Variants in CPLX1 observed in about 807,000 individuals in gnomAD.
The protein encoded by CPLX1 is complexin 1, also known as complexin-1.
A neutral mutation model predicts 15.6 loss-of-function variants in CPLX1; 6 were observed. That is an observed-to-expected ratio of 0.39 (90% CI 0.21 to 0.76). The LOEUF (loss-of-function observed/expected upper bound fraction) is 0.76, where lower values mean the gene tolerates loss of function less well. CPLX1 is among the 30% of genes least tolerant of loss of function. CPLX1 has a pLI of 0.43. For synonymous variants in CPLX1, 91 were observed against 75.2 expected, an observed-to-expected ratio of 1.21 and a Z score of -1.08; for missense variants, 242 against 188.6, an observed-to-expected ratio of 1.28 and a Z score of -1.66.
chr4:794,760 T>G (rs1388955321), intron 2 of CPLX1, among the ~76,000 whole-genome samples: 1 of 152,222 alleles, frequency 6.6e-6, no homozygotes, highest in African/African-American at 2.4e-5. Context: ...GCCTGGTCTC[T>G]CCCCACATTG....
intron 2 of CPLX1, among the ~76,000 whole-genome samples, chr4:795,102 G>A (rs1746293352): frequency 6.6e-6 from 1 of 152,210 alleles, no homozygotes; most frequent in Admixed American, 6.5e-5. Context: ...CGCGAACCTG[G>A]GGAGCGTCAC....
At chr4:787,504 G>C in intron 3 of CPLX1, 1 of 680,436 alleles carries the variant, frequency 1.5e-6, no homozygotes, top group Admixed American at 6.3e-5. Flanking sequence ...CTGGATTTGA[G>C]GGGCCTCAAG....
chr4:803,203 G>C (rs1399330401), intron 2 of CPLX1, among the ~76,000 whole-genome samples: 1 of 152,238 alleles, frequency 6.6e-6, no homozygotes, highest in Admixed American at 6.5e-5. Flanking sequence ...CAGTAAATCT[G>C]CCTGCAGTAA....
At chr4:804,947 C>T (rs1746527279) in intron 2 of CPLX1, 2 of 983,550 alleles carry the variant, frequency 2.0e-6, no homozygotes, top group African/African-American at 1.7e-5. Context: ...GCGGAGTTCA[C>T]CCGGCGTCCC....
chr4:790,243 G>A (rs903459850), intron 3 of CPLX1, among the ~76,000 whole-genome samples: 2 of 152,232 alleles, frequency 1.3e-5, no homozygotes, highest in Admixed American at 6.5e-5. Context: ...AGTGGGCTGC[G>A]GAGGGGGCTG....
intron 2 of CPLX1, among the ~76,000 whole-genome samples, chr4:815,513 C>T (rs1746736118): frequency 6.6e-6 from 1 of 151,552 alleles, no homozygotes; most frequent in Non-Finnish European, 1.5e-5. Context: ...TATTTACATA[C>T]AGCCACGGAG....
chr4:817,009 G>A (rs1746768927), intron 2 of CPLX1, among the ~76,000 whole-genome samples: 1 of 152,158 alleles, frequency 6.6e-6, no homozygotes, highest in Admixed American at 6.5e-5. Flanking sequence ...AAGAGAAAAT[G>A]TGGTCCCTAC....
chr4:807,198 A>T (rs1746570760), intron 2 of CPLX1, among the ~76,000 whole-genome samples: 1 of 152,258 alleles, frequency 6.6e-6, no homozygotes, highest in Non-Finnish European at 1.5e-5. Context: ...GCTGGAAGCC[A>T]TTATCTTCAG....
At chr4:792,241 T>TGGGCCCCACAGAGGGAGCCCAACCCGG (rs2152643000) in intron 3 of CPLX1, among the ~76,000 whole-genome samples, 192 bp downstream of exon 3, 1 of 152,266 alleles carries the variant, frequency 6.6e-6, no homozygotes, top group Admixed American at 6.5e-5. Flanking sequence ...CAGGAGGGGC[T>TGGGCCCCACAGAGGGAGCCCAACCCGG]GGGCCCCACA....
intron 3 of CPLX1, among the ~76,000 whole-genome samples, chr4:791,240 G>A (rs1007435390): frequency 6.6e-6 from 1 of 151,724 alleles, no homozygotes; most frequent in African/African-American, 2.4e-5. Context: ...CAGCAAAGTC[G>A]ATCAACAGGA....
At chr4:788,449 G>A (rs958377795) in intron 3 of CPLX1, 7 of 985,252 alleles carry the variant, frequency 7.1e-6, no homozygotes, top group African/African-American at 7.0e-5. Flanking sequence ...CCGTGGGCTC[G>A]CCCTAGTCCT....
At chr4:817,656 T>C (rs1489127246) in intron 2 of CPLX1, among the ~76,000 whole-genome samples, 3 of 152,024 alleles carry the variant, frequency 2.0e-5, no homozygotes, top group African/African-American at 7.2e-5. Flanking sequence ...GAGAAAAATT[T>C]TAAGTAAGGA....
At chr4:820,248 GC>G (rs2152648508) in intron 2 of CPLX1, among the ~76,000 whole-genome samples, 1 of 151,978 alleles carries the variant, frequency 6.6e-6, no homozygotes, top group East Asian at 1.9e-4. Flanking sequence ...ACCCAGCTCA[GC>G]CCAGCCTGCA....
intron 2 of CPLX1, among the ~76,000 whole-genome samples, chr4:810,744 T>C (rs559889582): frequency 6.6e-6 from 1 of 152,070 alleles, no homozygotes; most frequent in Non-Finnish European, 1.5e-5. Context: ...TTGCCCAGGC[T>C]GGAGTGCAAT....
At chr4:795,051 T>C (rs1426103150) in intron 2 of CPLX1, among the ~76,000 whole-genome samples, 2 of 152,094 alleles carry the variant, frequency 1.3e-5, no homozygotes, top group African/African-American at 4.8e-5. Context: ...GGATTCGTGC[T>C]CCCCGCAGGC....
chr4:817,853 C>T (rs1044050575), intron 2 of CPLX1, among the ~76,000 whole-genome samples: 7 of 152,060 alleles, frequency 4.6e-5, no homozygotes, highest in Admixed American at 1.3e-4. Context: ...TCCCACCAGC[C>T]GTGAGGGGAG....
intron 2 of CPLX1, among the ~76,000 whole-genome samples, chr4:792,920 C>T (rs1016906089): frequency 6.6e-6 from 1 of 152,110 alleles, no homozygotes; most frequent in Non-Finnish European, 1.5e-5. Context: ...TGTGTGACTG[C>T]GTGCTTATGC....
intron 3 of CPLX1, among the ~76,000 whole-genome samples, chr4:791,738 G>C (rs565756607): frequency 6.6e-6 from 1 of 152,294 alleles, no homozygotes; most frequent in Non-Finnish European, 1.5e-5. Context: ...TCGGGGCCAG[G>C]GCACGGGGTG....
chr4:813,545 TGA>T (rs1285389449), intron 2 of CPLX1, among the ~76,000 whole-genome samples: 1 of 152,042 alleles, frequency 6.6e-6, no homozygotes, highest in Non-Finnish European at 1.5e-5. Flanking sequence ...CACGTGGCAA[TGA>T]GATATCAAGA....
Sources: allele counts gnomAD v4.1 joint callset (sites outside exome capture counted in the v4.1 genomes callset), GRCh38; gene constraint gnomAD v4.1.1; transcripts MANE v1.5; gene names NCBI Gene and HGNC (gene_info 2026-07-23, HGNC 2026-07-21).